SEMA6A: variants seen among roughly 807,000 people sequenced by gnomAD.
SEMA6A encodes the protein semaphorin-6A.
A neutral mutation model predicts 96.8 loss-of-function variants in SEMA6A; 25 were observed. That is an observed-to-expected ratio of 0.26 (90% CI 0.19 to 0.36). The LOEUF is 0.36. SEMA6A is among the 10% of genes least tolerant of loss of function. The pLI is 1.00. For missense variants in SEMA6A, 1,363 were observed against 1,323.1 expected (o/e 1.03, Z -0.47); for synonymous variants, 612 against 518.0 (o/e 1.18, Z -2.46).
intron 8 of SEMA6A, 24 bp downstream of exon 8, chr5:116,488,864 T>G: frequency 6.5e-7 from 1 of 1,546,516 alleles, no homozygotes; most frequent in Non-Finnish European, 8.7e-7. Context: ...CCTCCGACCC[T>G]CCTTCTTTTA....
chr5:116,482,276 G>A (rs1246807348), intron 11 of SEMA6A, among the ~76,000 whole-genome samples, 168 bp downstream of exon 11: 1 of 152,142 alleles, frequency 6.6e-6, no homozygotes. Context: ...AGGAACATTG[G>A]TTTGAGTATA....
intron 15 of SEMA6A, among the ~76,000 whole-genome samples, chr5:116,477,515 C>G (rs1307398009): frequency 6.6e-6 from 1 of 152,206 alleles, no homozygotes; most frequent in East Asian, 1.9e-4. Context: ...TAATTGGTAT[C>G]CTATTGCTCC....
At chr5:116,509,811 A>G (rs911757901) in intron 1 of SEMA6A, among the ~76,000 whole-genome samples, 3 of 152,098 alleles carry the variant, frequency 2.0e-5, no homozygotes, top group African/African-American at 4.8e-5. Flanking sequence ...GGCACTGGAA[A>G]TGTAGTTGGG....
chr5:116,563,257 G>A (rs1173646317), intron 1 of SEMA6A, among the ~76,000 whole-genome samples: 4 of 152,168 alleles, frequency 2.6e-5, no homozygotes, highest in Non-Finnish European at 5.9e-5. Context: ...AATCCAGCCA[G>A]AAGCCAGTAA....
At chr5:116,488,519 T>G (rs1479326162) in intron 8 of SEMA6A, among the ~76,000 whole-genome samples, 1 of 152,220 alleles carries the variant, frequency 6.6e-6, no homozygotes, top group Non-Finnish European at 1.5e-5. Context: ...TCACCCTGAC[T>G]CATACAGGGT....
intron 1 of SEMA6A, among the ~76,000 whole-genome samples, chr5:116,534,651 C>A (rs1759631803): frequency 6.6e-6 from 1 of 152,208 alleles, no homozygotes; most frequent in Non-Finnish European, 1.5e-5. Flanking sequence ...GTACCCCGTT[C>A]TCTCCTTTCA....
At chr5:116,522,999 A>G (rs1759029497) in intron 1 of SEMA6A, among the ~76,000 whole-genome samples, 1 of 152,198 alleles carries the variant, frequency 6.6e-6, no homozygotes, top group Non-Finnish European at 1.5e-5. Context: ...ATTCATCAGG[A>G]GAGCGAGGAG....
chr5:116,517,431 T>C (rs1468770054), intron 1 of SEMA6A, among the ~76,000 whole-genome samples: 7 of 152,186 alleles, frequency 4.6e-5, no homozygotes, highest in Non-Finnish European at 8.8e-5. Context: ...GTCTCTTAAT[T>C]ATTCCACAGT....
Position 116,458,307 on chromosome 5 carries a change from T to C in SEMA6A, c.1894+9276A>G, listed in dbSNP as rs138450363. 8.1e-4 allele frequency among the ~76,000 whole-genome samples: 124 copies of C among 152,302 alleles called. 1 individual carries two copies. Among genetic ancestry groups the C allele is most frequent in the African/African-American group, 2.7e-3 (114 of 41,572 alleles). On this transcript the variant is annotated intron_variant, in intron 18 of 18. Transcript: ENST00000343348. The stretch of plus-strand genomic sequence containing the variant: ...CACTCCAGATGTTCTGTTAATAAGA[T>C]CACACTTAACCTAGTCCCCGTAGTC...
At chr5:116,457,145 T>C (rs1396701824) in intron 18 of SEMA6A, among the ~76,000 whole-genome samples, 1 of 152,190 alleles carries the variant, frequency 6.6e-6, no homozygotes, top group Non-Finnish European at 1.5e-5. Context: ...TTAAGTTACA[T>C]TAAATTTCTG....
chr5:116,547,635 G>C (rs1472369694), intron 1 of SEMA6A, among the ~76,000 whole-genome samples: 2 of 144,562 alleles, frequency 1.4e-5, no homozygotes, highest in Admixed American at 1.5e-4. Context: ...TTTCATAACA[G>C]TATTACTAAC....
At position 116,447,246 on chromosome 5, in the gene SEMA6A, G is replaced by T; in HGVS notation, c.2460C>A (p.Ile820=). 1 of 1,613,992 alleles carries T rather than the reference G, an allele frequency of 6.2e-7. No homozygotes were observed. Among genetic ancestry groups the T allele is most frequent in the Non-Finnish European group, 8.5e-7 (1 of 1,179,906 alleles). ...SHIPSVVVLP[I]TQQGYQHEYV... Reference sequence around the variant, plus strand: ...ACTCATGCTGGTAGCCCTGCTGCGTGATGGGCAGGACCACCACGCTGGGGA... The same window carrying T: ...ACTCATGCTGGTAGCCCTGCTGCGTTATGGGCAGGACCACCACGCTGGGGA... The change falls in exon 19 of 19, where the codon ATC becomes ATA. Residue 820 remains isoleucine, a synonymous_variant. Coordinates refer to ENST00000343348, the MANE Select transcript of SEMA6A (RefSeq NM_020796.5).
At chr5:116,508,752 T>C (rs1397304225) in intron 1 of SEMA6A, among the ~76,000 whole-genome samples, 3 of 152,198 alleles carry the variant, frequency 2.0e-5, no homozygotes, top group Non-Finnish European at 4.4e-5. Flanking sequence ...AGTTGAGCAT[T>C]GGCTGCCCCA....
At chr5:116,467,898 G>T (rs961669838) in intron 17 of SEMA6A, 151 bp from the exon 18 acceptor site, 17 of 684,242 alleles carry the variant, frequency 2.5e-5, no homozygotes, top group Non-Finnish European at 2.7e-5. Context: ...GGTGGTGGTG[G>T]TGGTGGTGGT....
At position 116,496,290 on chromosome 5, in the gene SEMA6A, C is replaced by T; in HGVS notation, c.303G>A (p.Gln101=). The change falls in exon 5 of 19, where the codon CAG becomes CAA. Residue 101 remains glutamine, a synonymous_variant. Coordinates refer to ENST00000343348, the MANE Select transcript of SEMA6A (RefSeq NM_020796.5). ...TCATTCTGCATGTGTCTACATCGGC[C>T]TGTCTAGATTTCCATGTCAGTTTCT... The part of the protein sequence containing the change: ...CSKKLTWKSR[Q]ADVDTCRMKG... 1 of 1,613,798 alleles carries T rather than the reference C, an allele frequency of 6.2e-7. No homozygotes were observed. The highest frequency in any genetic ancestry group is 8.5e-7 in the Non-Finnish European group (1 of 1,179,782).
In SEMA6A at chr5:116,447,540, G is replaced by T; in HGVS notation, c.2166C>A (p.Ile722=). The T allele has an allele frequency of 6.2e-7, 1 of 1,614,084 alleles. No individual in the cohort carries two copies. Among genetic ancestry groups the T allele is most frequent in the Non-Finnish European group, 8.5e-7 (1 of 1,179,904 alleles). ...TGCCGTTGTGCATGAGTGGCGTGAG[G>T]ATGGCCTCCGGCTTTGGGTCTTTGG... is the stretch of plus-strand genomic sequence containing the variant. ...TQSKDPKPEA[I]LTPLMHNGKL... is the part of the protein sequence containing the mutation. Residue 722 remains isoleucine, a synonymous_variant, in exon 19 of 19, where the codon ATC becomes ATA. Transcript: ENST00000343348.
intron 1 of SEMA6A, among the ~76,000 whole-genome samples, chr5:116,545,591 C>T (rs1014434475): frequency 1.3e-5 from 2 of 152,140 alleles, no homozygotes; most frequent in African/African-American, 2.4e-5. Context: ...TTGCTTCCCT[C>T]CTTTGTTCAG....
Position 116,446,562 on chromosome 5 carries a change from G to A in SEMA6A, c.*51C>T, listed in dbSNP as rs966666761. ...AGTTGAGAACCTTGCTGAGCTGAGC[G>A]GGCACCTCGCCTTGCCTGCTGGTTC... is the stretch of plus-strand genomic sequence containing the variant. On this transcript the variant is annotated 3_prime_UTR_variant, in exon 19 of 19. Coordinates refer to ENST00000343348, the MANE Select transcript of SEMA6A (RefSeq NM_020796.5). 5.3e-5 allele frequency: 75 copies of A among 1,410,390 alleles called. No homozygotes were observed. The highest frequency in any genetic ancestry group is 6.6e-5 in the Non-Finnish European group (70 of 1,061,396). The allele number at this position is 1,410,390 out of a possible 1,614,324, so 87.4% of individuals were successfully genotyped here. A position where few individuals can be genotyped will look rare whatever the true frequency, so the allele number is the denominator to read the frequency against.
intron 1 of SEMA6A, among the ~76,000 whole-genome samples, chr5:116,512,512 C>T (rs754747996): frequency 1.4e-4 from 21 of 152,222 alleles, no homozygotes; most frequent in Non-Finnish European, 1.0e-4. Flanking sequence ...AATAGATGTT[C>T]CATTTTAGAT....
Sources: allele counts gnomAD v4.1 joint callset (sites outside exome capture counted in the v4.1 genomes callset), GRCh38; gene constraint gnomAD v4.1.1; transcripts MANE v1.5; gene names NCBI Gene and HGNC (gene_info 2026-07-23, HGNC 2026-07-21).